Variants in PRPF40B observed in about 807,000 individuals in gnomAD.
The protein encoded by PRPF40B is pre-mRNA-processing factor 40 homolog B.
PRPF40B carries 56 observed loss-of-function variants against 124.5 expected under a neutral mutation model. The ratio of observed to expected loss-of-function variants is 0.45; its 90% CI spans 0.36 to 0.56. The LOEUF is 0.56. PRPF40B is among the 20% of genes least tolerant of loss of function. The pLI, the probability that PRPF40B is intolerant of heterozygous loss-of-function variation, is 0.00. For missense variants in PRPF40B, 1,053 were observed against 1,169.5 expected (o/e 0.90, Z 1.45); for synonymous variants, 443 against 426.4 (o/e 1.04, Z -0.48).
At chr12:49,643,648 T>G in intron 23 of PRPF40B, 43 bp from the exon 24 acceptor site, 1 of 1,590,836 alleles carries the variant, frequency 6.3e-7, no homozygotes, top group African/African-American at 1.4e-5. Flanking sequence ...AAAGAGCCTG[T>G]CTTTCTCCTG....
chr12:49,642,104 G>C lies in PRPF40B; in HGVS notation c.1884+80G>C. 1 of 1,603,816 alleles carries C rather than the reference G, an allele frequency of 6.2e-7. No individual in the cohort carries two copies. The highest frequency in any genetic ancestry group is 1.7e-4 in the Middle Eastern group (1 of 6,036). ...ATTCCTTCTCACTCACTGTCCCACT[G>C]ACTATATTCCCAATTCAGGGGATGG... On this transcript the variant is annotated intron_variant, in intron 19 of 25. Coordinates refer to ENST00000548825, the MANE Select transcript of PRPF40B (RefSeq NM_001031698.3). This position sits in a 1 kb window ranked among gnomAD's most constrained non-coding sequence, Gnocchi z 5.8.
rs774428862 is a variant in PRPF40B, at chr12:49,631,531, C to T, written c.215C>T (p.Pro72Leu). Reference sequence around the variant, plus strand: ...ATGCTTCCACCAATGGGGGCGCCACCACCACTCACACAGGTAATTGTCTCT... The same window carrying T: ...ATGCTTCCACCAATGGGGGCGCCACTACCACTCACACAGGTAATTGTCTCT... ...PPMLPPMGAP[P>L]PLTQIPGMVP... Residue 72 changes from proline to leucine, a missense_variant, in exon 3 of 26, where the codon CCA becomes CTA. Physicochemically the swap from Pro to Leu is moderately conservative, Grantham distance 98. Transcript: ENST00000548825. The surrounding 1 kb of genome is among the most constrained non-coding windows in gnomAD (Gnocchi z 4.3). 6.5e-7 allele frequency: 1 copy of T among 1,550,238 alleles called. No individual in the cohort carries two copies.
chr12:49,627,739 T>C (rs1181148714), intron 1 of PRPF40B, among the ~76,000 whole-genome samples: 23 of 152,150 alleles, frequency 1.5e-4, no homozygotes, highest in Admixed American at 1.5e-3. Flanking sequence ...GAGCTTGTTA[T>C]AGCTGCTGAT....
At chr12:49,643,669 G>C in intron 23 of PRPF40B, 22 bp from the exon 24 acceptor site, 1 of 1,610,712 alleles carries the variant, frequency 6.2e-7, no homozygotes, top group African/African-American at 1.3e-5. Context: ...TTGGGACTTA[G>C]TAGGGATTTT....
chr12:49,640,021 C>A (rs1490797408), intron 18 of PRPF40B: 1 of 152,204 alleles, frequency 6.6e-6, no homozygotes, highest in Non-Finnish European at 1.5e-5. Context: ...TCCTGTCTCT[C>A]CACACAACCT....
chr12:49,630,791 G>T (rs1941148292), intron 2 of PRPF40B, among the ~76,000 whole-genome samples, 166 bp downstream of exon 2: 1 of 152,172 alleles, frequency 6.6e-6, no homozygotes, highest in Admixed American at 6.6e-5. Context: ...GAGAGCTGTT[G>T]TGAAGCCCTC....
rs116571114 is a variant in PRPF40B, at chr12:49,633,460, A to G, written c.493A>G (p.Lys165Glu). The G allele has an allele frequency of 1.9e-6, 3 of 1,614,168 alleles. No homozygotes were observed. The highest frequency in any genetic ancestry group is 2.5e-6 in the Non-Finnish European group (3 of 1,180,018). ...LLSQCPWKEY[K>E]SDTGKPYYYN... ...GTCCCAATGTCCCTGGAAAGAGTAC[A>G]AGTCGGACACAGGCAAACCTTATTA... The change falls in exon 8 of 26, where the codon AAG becomes GAG. Residue 165 changes from lysine to glutamate, a missense_variant. Lys to Glu is a moderately conservative substitution (Grantham distance 56, BLOSUM62 1). Around this residue, in one of 2 missense-constraint regions of PRPF40B, gnomAD observed 895 missense variants for 1,052.2 expected, o/e 0.85. Transcript: ENST00000548825.
intron 1 of PRPF40B, chr12:49,624,231 C>T: frequency 1.1e-6 from 1 of 907,216 alleles, no homozygotes; most frequent in Non-Finnish European, 1.3e-6. Flanking sequence ...AAAGGAAATG[C>T]ATGAAAATTA....
At chr12:49,637,613 GC>G (rs763219088) in intron 17 of PRPF40B, 29 bp downstream of exon 17, 4 of 1,603,024 alleles carry the variant, frequency 2.5e-6, no homozygotes, top group South Asian at 1.1e-5. Context: ...CCCTTCTCTG[GC>G]CTGGCTTCCT....
chr12:49,624,145 A>G (rs1940479310), intron 1 of PRPF40B: 1 of 985,658 alleles, frequency 1.0e-6, no homozygotes, highest in African/African-American at 1.7e-5. Context: ...GGCCATCAAC[A>G]AACTAACGAC....
intron 4 of PRPF40B, chr12:49,632,360 T>C (rs887106992): frequency 1.7e-6 from 1 of 578,762 alleles, no homozygotes; most frequent in Admixed American, 3.2e-5. Flanking sequence ...CCTCGGGAGT[T>C]GTCTCAACAA....
chr12:49,635,310 A>G lies in PRPF40B; in HGVS notation c.1166+47A>G, dbSNP rs1188506264. 2 of 1,609,092 alleles carry G rather than the reference A, an allele frequency of 1.2e-6. No individual in the cohort carries two copies. Among genetic ancestry groups the G allele is most frequent in the East Asian group, 2.2e-5 (1 of 44,842 alleles). On this transcript the variant is annotated intron_variant, in intron 13 of 25. Coordinates refer to ENST00000548825, the MANE Select transcript of PRPF40B (RefSeq NM_001031698.3). The surrounding 1 kb of genome is among the most constrained non-coding windows in gnomAD (Gnocchi z 4.1). The stretch of plus-strand genomic sequence containing the variant: ...GGGACTTGGGAACCCTGAGAACACA[A>G]AGGTCCAGGGTCTCTGTTCTCTGTC...
Position 49,630,616 on chromosome 12 carries a change from A to T in PRPF40B, c.75A>T (p.Pro25=). 7.6e-7 allele frequency: 1 copy of T among 1,307,190 alleles called. No individual in the cohort carries two copies. The highest frequency in any genetic ancestry group is 1.1e-6 in the Non-Finnish European group (1 of 902,534). 81.0% of individuals were successfully genotyped at this position (1,307,190 alleles called of 1,614,324 possible). Residue 25 remains proline (P), a synonymous_variant, in exon 2 of 26, where the codon CCA becomes CCT. Coordinates refer to ENST00000548825, the MANE Select transcript of PRPF40B (RefSeq NM_001031698.3). ...TCCCACCGGGGCCCCCCATGATGCC[A>T]CCACCCTTCGTAAGTTTTATGTCTT... ...APFPPGPPMM[P]PPFMPPPGIP...
At position 49,634,020 on chromosome 12, in the gene PRPF40B, A is replaced by C. The variant is rs978697872; in HGVS notation, c.740A>C (p.Asp247Ala). Residue 247 changes from aspartate (D) to alanine (A), a missense_variant, in exon 10 of 26, where the codon GAT (aspartate) becomes GCT (alanine). Coordinates refer to ENST00000548825, the MANE Select transcript of PRPF40B (RefSeq NM_001031698.3). ...GAACCTGAGCCAGGTGGGAGTGAAG[A>C]TTGTGATGTGTTGGAGGCCACCCAG... Reference protein sequence around the residue: ...LLEPEPGGSEDCDVLEATQPL... With the variant: ...LLEPEPGGSEACDVLEATQPL... 6.2e-7 allele frequency: 1 copy of C among 1,614,000 alleles called. No homozygotes were observed. Among genetic ancestry groups the C allele is most frequent in the Non-Finnish European group, 8.5e-7 (1 of 1,179,952 alleles).
Position 49,631,648 on chromosome 12 carries a change from A to C in PRPF40B, c.228+104A>C. 7.1e-7 allele frequency: 1 copy of C among 1,410,606 alleles called. No individual in the cohort carries two copies. The highest frequency in any genetic ancestry group is 9.7e-7 in the Non-Finnish European group (1 of 1,028,450). The allele number at this position is 1,410,606 out of a possible 1,614,324, so 87.4% of individuals were successfully genotyped here. A position where few individuals can be genotyped will look rare whatever the true frequency, so the allele number is the denominator to read the frequency against. On this transcript the variant is annotated intron_variant, in intron 3 of 25. Coordinates refer to ENST00000548825, the MANE Select transcript of PRPF40B (RefSeq NM_001031698.3). The surrounding 1 kb of genome is among the most constrained non-coding windows in gnomAD (Gnocchi z 4.3). ...GCCTCAGAAACTGGGGAAGGAAGGG[A>C]GCTTTGGGCCAAACCCATGTGGATT... is the stretch of plus-strand genomic sequence containing the variant.
In PRPF40B at chr12:49,637,724, T is replaced by G; in HGVS notation, c.1676-9T>G. 1.5e-6 allele frequency: 1 copy of G among 648,498 alleles called. No homozygotes were observed. The highest frequency in any genetic ancestry group is 2.5e-6 in the Non-Finnish European group (1 of 397,832). The allele number at this position is 648,498 out of a possible 1,614,324, so 40.2% of individuals were successfully genotyped here. On this transcript the variant is annotated splice_polypyrimidine_tract_variant and intron_variant, in intron 17 of 25. Transcript: ENST00000548825. The stretch of plus-strand genomic sequence containing the variant: ...CGCCCGCCAGGCCCCCCTCCCTCCC[T>G]CCTTACAGGCTCCACCCCTCTGGAC...
At position 49,642,029 on chromosome 12, in the gene PRPF40B, GGGGCT is replaced by G; in HGVS notation, c.1884+10_1884+14del. 1.2e-6 allele frequency: 2 copies of G among 1,611,120 alleles called. No individual in the cohort carries two copies. Among genetic ancestry groups the G allele is most frequent in the Non-Finnish European group, 1.7e-6 (2 of 1,179,694 alleles). On this transcript the variant is annotated splice_donor_region_variant and intron_variant, in intron 19 of 25. Coordinates refer to ENST00000548825, the MANE Select transcript of PRPF40B (RefSeq NM_001031698.3). The surrounding 1 kb of genome is among the most constrained non-coding windows in gnomAD (Gnocchi z 5.8). ...ATCAAGCTGACCTTCAATAGTGTGA[GGGGCT>G]GGGCGGGGCGTGGGAAGTTCTCTAA...
At chr12:49,643,135 G>A in intron 22 of PRPF40B, 88 bp from the exon 23 acceptor site, 1 of 1,587,950 alleles carries the variant, frequency 6.3e-7, no homozygotes, top group East Asian at 2.2e-5. Flanking sequence ...CTTTGGCCCT[G>A]GGTCCTCCTC....
At chr12:49,637,195 G>A in intron 16 of PRPF40B, 1 of 575,520 alleles carries the variant, frequency 1.7e-6, no homozygotes, top group Non-Finnish European at 3.1e-6. Flanking sequence ...TGGTGGTAGT[G>A]CTAGGGGTTA....
Sources: gnomAD v4.1 joint callset for allele counts (sites outside exome capture counted in the v4.1 genomes callset) on GRCh38, gnomAD v4.1.1 for gene constraint, gnomAD v4.1.1 regional missense constraint, Gnocchi (gnomAD v3.1) non-coding constraint, MANE v1.5 for transcripts, NCBI Gene and HGNC (gene_info 2026-07-23, HGNC 2026-07-21) for gene names.